Variants in SKAP1 observed in about 807,000 individuals in gnomAD.
The protein encoded by SKAP1 is src kinase-associated phosphoprotein 1.
In SKAP1, 44 loss-of-function variants were observed where a neutral mutation model predicts 58.5. The observed-to-expected ratio is 0.75, with a 90% CI of 0.59 to 0.97. SKAP1 has a LOEUF of 0.97. Among genes scored for constraint, SKAP1 ranks in the 50% least tolerant of loss-of-function variants. SKAP1 has a pLI of 0.00. For missense variants in SKAP1, 390 were observed against 435.2 expected, an observed-to-expected ratio of 0.90 and a Z score of 0.92; for synonymous variants, 127 against 149.7, an observed-to-expected ratio of 0.85 and a Z score of 1.11.
At chr17:48,307,744 C>A (rs2066166251) in intron 4 of SKAP1, 1 of 151,898 alleles carries the variant, frequency 6.6e-6, no homozygotes, top group Admixed American at 6.6e-5. Flanking sequence ...ATTCTTTTTT[C>A]CAATTTTTTT....
chr17:48,383,928 G>A (rs1159847525), intron 2 of SKAP1, among the ~76,000 whole-genome samples: 1 of 151,792 alleles, frequency 6.6e-6, no homozygotes, highest in Non-Finnish European at 1.5e-5. Context: ...GTTTCACTAT[G>A]TTGGCCAGGC....
At chr17:48,199,002 G>C (rs1357279788) in intron 4 of SKAP1, among the ~76,000 whole-genome samples, 1 of 152,144 alleles carries the variant, frequency 6.6e-6, no homozygotes, top group Non-Finnish European at 1.5e-5. Flanking sequence ...TTCCCCCTGA[G>C]TCAGATCACG....
At chr17:48,181,876 A>C (rs1018227907) in intron 8 of SKAP1, among the ~76,000 whole-genome samples, 1 of 152,194 alleles carries the variant, frequency 6.6e-6, no homozygotes, top group Admixed American at 6.5e-5. Flanking sequence ...ATCTTCAGGC[A>C]GGACTCTTCC....
At chr17:48,157,531 G>A (rs1483994102) in intron 11 of SKAP1, among the ~76,000 whole-genome samples, 3 of 99,572 alleles carry the variant, frequency 3.0e-5, no homozygotes, top group Admixed American at 1.2e-4. Flanking sequence ...CACCGTGCCC[G>A]GCCTCTTTTT....
intron 4 of SKAP1, among the ~76,000 whole-genome samples, chr17:48,238,157 C>T (rs1408617072): frequency 2.6e-5 from 4 of 151,968 alleles, no homozygotes; most frequent in African/African-American, 9.7e-5. Context: ...CCACATCCGG[C>T]TGATTTTTGT....
intron 4 of SKAP1, among the ~76,000 whole-genome samples, chr17:48,324,882 C>T (rs1033541076): frequency 6.6e-6 from 1 of 152,034 alleles, no homozygotes; most frequent in Non-Finnish European, 1.5e-5. Context: ...TTTTACCAAA[C>T]AGTGAGTATT....
intron 3 of SKAP1, among the ~76,000 whole-genome samples, chr17:48,357,852 A>G (rs1052250554): frequency 1.3e-5 from 2 of 152,180 alleles, no homozygotes; most frequent in African/African-American, 4.8e-5. Flanking sequence ...ATTAATTTGT[A>G]TAAAATGTAG....
chr17:48,189,319 G>A, intron 5 of SKAP1, 104 bp downstream of exon 5: 1 of 914,198 alleles, frequency 1.1e-6, no homozygotes, highest in Non-Finnish European at 1.7e-6. Context: ...TATCCGCCTA[G>A]CACAGTACCG....
At chr17:48,280,194 G>A (rs550827768) in intron 4 of SKAP1, among the ~76,000 whole-genome samples, 7 of 152,076 alleles carry the variant, frequency 4.6e-5, no homozygotes, top group East Asian at 1.9e-4. Flanking sequence ...TTGGCCAGGC[G>A]CTATGGCTCA....
chr17:48,357,939 G>A (rs1262635724), intron 3 of SKAP1, among the ~76,000 whole-genome samples: 1 of 152,164 alleles, frequency 6.6e-6, no homozygotes, highest in African/African-American at 2.4e-5. Context: ...GATGTTAAAA[G>A]GTTGAGTCAA....
intron 4 of SKAP1, among the ~76,000 whole-genome samples, chr17:48,239,634 T>C (rs941643283): frequency 3.9e-5 from 6 of 152,154 alleles, no homozygotes; most frequent in African/African-American, 1.4e-4. Context: ...TATTCTTCCA[T>C]TGAAAGAAAA....
intron 4 of SKAP1, among the ~76,000 whole-genome samples, chr17:48,219,271 A>G (rs979823150): frequency 6.6e-6 from 1 of 152,230 alleles, no homozygotes; most frequent in Non-Finnish European, 1.5e-5. Context: ...TTGATTTTAA[A>G]AGTCAGTTGT....
At chr17:48,253,144 G>C (rs1436785624) in intron 4 of SKAP1, among the ~76,000 whole-genome samples, 1 of 152,126 alleles carries the variant, frequency 6.6e-6, no homozygotes, top group African/African-American at 2.4e-5. Flanking sequence ...CTAAAGGGGG[G>C]CTGTCAATCT....
chr17:48,236,167 G>C lies in SKAP1; in HGVS notation c.281-46667C>G, dbSNP rs188519613. Among the ~76,000 whole-genome samples, 179 of 152,252 alleles carry C rather than the reference G, an allele frequency of 1.2e-3. 1 individual carries two copies. The Middle Eastern group carries it at 0.02, about 17-fold the overall frequency. On this transcript the variant is annotated intron_variant, in intron 4 of 12. Transcript: ENST00000336915. ...CTCTTTAAAGTTGAAAATGCTTTCC[G>C]ATATTCCTTCACTTATTCAATAAAC... is the stretch of plus-strand genomic sequence containing the variant.
At chr17:48,305,993 G>A (rs1049668902) in intron 4 of SKAP1, among the ~76,000 whole-genome samples, 2 of 152,086 alleles carry the variant, frequency 1.3e-5, no homozygotes, top group Non-Finnish European at 2.9e-5. Context: ...GTTACCTGTA[G>A]TTGCCCAAAG....
At chr17:48,201,305 GTTCCTTCC>G (rs913658915) in intron 4 of SKAP1, among the ~76,000 whole-genome samples, 15 of 131,848 alleles carry the variant, frequency 1.1e-4, no homozygotes, top group Middle Eastern at 4.1e-3. Context: ...TCCTTTCTTC[GTTCCTTCC>G]TTCCTTCCTT....
At chr17:48,342,578 T>C (rs1037145731) in intron 4 of SKAP1, among the ~76,000 whole-genome samples, 1 of 152,114 alleles carries the variant, frequency 6.6e-6, no homozygotes, top group African/African-American at 2.4e-5. Flanking sequence ...AAATTATGGG[T>C]GGATGGGCCC....
intron 2 of SKAP1, among the ~76,000 whole-genome samples, chr17:48,374,490 A>G (rs543897532): frequency 6.6e-6 from 1 of 152,292 alleles, no homozygotes; most frequent in Admixed American, 6.5e-5. Flanking sequence ...CTAACACTGA[A>G]GAGTTATCCT....
intron 4 of SKAP1, among the ~76,000 whole-genome samples, chr17:48,217,097 G>A (rs191699477): frequency 7.2e-5 from 11 of 152,154 alleles, no homozygotes; most frequent in Non-Finnish European, 1.2e-4. Context: ...GAACTTAAAT[G>A]TTTTTGTCAA....
Sources: allele counts gnomAD v4.1 joint callset (sites outside exome capture counted in the v4.1 genomes callset), GRCh38; gene constraint gnomAD v4.1.1; transcripts MANE v1.5; gene names NCBI Gene and HGNC (gene_info 2026-07-23, HGNC 2026-07-21).